The following PLAAT1 variants were observed in gnomAD, a reference collection of about 807,000 sequenced individuals.
PLAAT1 encodes phospholipase A and acyltransferase 1, also known as H-REV107 protein-related protein.
Under a neutral mutation model 16.4 loss-of-function variants are expected in PLAAT1, and 13 were observed. That is an observed-to-expected ratio of 0.79 (90% CI 0.52 to 1.26). PLAAT1 has a LOEUF of 1.26. Among genes scored for constraint, PLAAT1 ranks in the 50% most tolerant of loss-of-function variants. PLAAT1 has a pLI of 0.00. For missense variants in PLAAT1, 218 were observed against 207.8 expected, an observed-to-expected ratio of 1.05 and a Z score of -0.30; for synonymous variants, 73 against 78.4, an observed-to-expected ratio of 0.93 and a Z score of 0.36.
chr3:193,277,584 C>A (rs1000096110), intron 2 of PLAAT1: 1 of 152,244 alleles, frequency 6.6e-6, no homozygotes, highest in East Asian at 1.9e-4. Flanking sequence ...ATTCTCACCC[C>A]TATGCTGATA....
intron 1 of PLAAT1, among the ~76,000 whole-genome samples, chr3:193,244,610 C>G (rs568490713): frequency 9.9e-5 from 15 of 152,042 alleles, no homozygotes; most frequent in African/African-American, 3.6e-4. Context: ...ATGCCAAAAA[C>G]TAAGTAATTT....
At chr3:193,279,983 A>AG (rs1717408661), downstream of PLAAT1, among the ~76,000 whole-genome samples, 1 of 147,386 alleles carries the variant, frequency 6.8e-6, no homozygotes, top group East Asian at 1.9e-4. Flanking sequence ...TGTTAAAAAA[A>AG]AAAAAAAAAA....
downstream of PLAAT1, among the ~76,000 whole-genome samples, chr3:193,280,684 C>CTTTA (rs1399589444): frequency 3.3e-5 from 5 of 152,182 alleles, no homozygotes; most frequent in Admixed American, 6.5e-5. Flanking sequence ...CTGTCAGAGC[C>CTTTA]TTTAGCAGAG....
At position 193,241,398 on chromosome 3, in the gene PLAAT1, C is replaced by A. The variant is rs1560095373; in HGVS notation, c.-136C>A. On this transcript the variant is annotated 5_prime_UTR_variant, in exon 1 of 4. Coordinates refer to ENST00000264735, the MANE Select transcript of PLAAT1 (RefSeq NM_020386.5). The stretch of plus-strand genomic sequence containing the variant: ...CGAGTGATGGCTGGCGCCTGCCTCC[C>A]GGGTGTCTCCCGGGTACAGATGGAG... The A allele has an allele frequency of 2.4e-6, 3 of 1,231,652 alleles. No individual in the cohort carries two copies. In the East Asian group the frequency reaches 9.5e-5, roughly 39 times the overall value. 76.3% of individuals were successfully genotyped at this position (1,231,652 alleles called of 1,614,324 possible).
downstream of PLAAT1, chr3:193,277,764 C>A (rs1170370263): frequency 6.6e-6 from 1 of 152,200 alleles, no homozygotes; most frequent in Admixed American, 6.5e-5. Flanking sequence ...TGGCTGCCAC[C>A]ACTCCAATCC....
At chr3:193,250,964 A>G (rs1716171419) in intron 1 of PLAAT1, among the ~76,000 whole-genome samples, 1 of 152,042 alleles carries the variant, frequency 6.6e-6, no homozygotes, top group South Asian at 2.1e-4. Context: ...GTTTCTTTCA[A>G]CAGAGAGATC....
At chr3:193,255,344 A>G (rs1716336481) in intron 1 of PLAAT1, among the ~76,000 whole-genome samples, 2 of 152,060 alleles carry the variant, frequency 1.3e-5, no homozygotes, top group South Asian at 4.1e-4. Context: ...TTATCCAGGG[A>G]TTTCTAGATT....
downstream of PLAAT1, among the ~76,000 whole-genome samples, chr3:193,273,164 A>G (rs929858303): frequency 2.0e-5 from 3 of 152,224 alleles, no homozygotes; most frequent in Non-Finnish European, 4.4e-5. Flanking sequence ...TATACAGTGT[A>G]TCAATTGAAT....
intron 1 of PLAAT1, among the ~76,000 whole-genome samples, chr3:193,250,519 A>G (rs1716152055): frequency 6.6e-6 from 1 of 152,148 alleles, no homozygotes; most frequent in Non-Finnish European, 1.5e-5. Flanking sequence ...GTTGTCTACG[A>G]GACTCAAAAA....
Position 193,263,125 on chromosome 3 carries a change from A to G in PLAAT1, c.295A>G (p.Ile99Val), listed in dbSNP as rs369052364. 1.2e-5 allele frequency: 19 copies of G among 1,614,108 alleles called. No homozygotes were observed. Among genetic ancestry groups the G allele is most frequent in the Admixed American group, 6.7e-5 (4 of 60,000 alleles). Residue 99 changes from isoleucine (I) to valine (V), a missense_variant, in exon 3 of 4, where the codon ATA (isoleucine) becomes GTA (valine). By Grantham distance (29) the Ile-to-Val change is conservative (BLOSUM62 3). Transcript: ENST00000264735. ...CCCCCCTCTCCCTGTGGAAGAAATC[A>G]TAAAGCGGTCAGAGTTTGTAATTGG... ...TYPPLPVEEI[I>V]KRSEFVIGQE...
intron 2 of PLAAT1, among the ~76,000 whole-genome samples, chr3:193,260,188 C>T (rs1716533826): frequency 6.6e-6 from 1 of 152,116 alleles, no homozygotes. Context: ...CTGCCTTTCA[C>T]TATGTACAAA....
Position 193,255,676 on chromosome 3 carries a change from T to C in PLAAT1, c.26T>C (p.Leu9Ser), listed in dbSNP as rs778240681. 2 of 1,611,244 alleles carry C rather than the reference T, an allele frequency of 1.2e-6. No individual in the cohort carries two copies. Among genetic ancestry groups the C allele is most frequent in the East Asian group, 2.2e-5 (1 of 44,820 alleles). Reference protein sequence around the residue: MAFNDCFSLNYPGNPCPGD... With the variant: MAFNDCFSSNYPGNPCPGD... ...ATGGCGTTTAATGATTGCTTCAGTTTGAACTACCCTGGCAACCCCTGCCCA... is the reference window on the plus strand; with the variant it reads ...ATGGCGTTTAATGATTGCTTCAGTTCGAACTACCCTGGCAACCCCTGCCCA... The change falls in exon 2 of 4, where the codon TTG becomes TCG. Residue 9 changes from leucine (L) to serine (S), a missense_variant. Leu to Ser is a moderately radical substitution (Grantham distance 145, BLOSUM62 -2). Transcript: ENST00000264735.
chr3:193,259,335 C>G (rs1267529446), intron 2 of PLAAT1, among the ~76,000 whole-genome samples: 2 of 152,174 alleles, frequency 1.3e-5, no homozygotes, highest in African/African-American at 4.8e-5. Flanking sequence ...GGTGTTCACT[C>G]ACACTATTCC....
downstream of PLAAT1, chr3:193,274,852 A>G: frequency 2.8e-6 from 2 of 714,268 alleles, no homozygotes; most frequent in East Asian, 2.6e-5. Flanking sequence ...TTTTTCTCTC[A>G]TTGGTAAAGC....
At chr3:193,252,040 A>G (rs1297135956) in intron 1 of PLAAT1, among the ~76,000 whole-genome samples, 1 of 152,204 alleles carries the variant, frequency 6.6e-6, no homozygotes, top group East Asian at 1.9e-4. Flanking sequence ...CGTAATGTAT[A>G]AGGAAAAGAG....
chr3:193,261,708 A>G (rs1298004287), intron 2 of PLAAT1, among the ~76,000 whole-genome samples: 2 of 152,136 alleles, frequency 1.3e-5, no homozygotes, highest in Non-Finnish European at 2.9e-5. Context: ...CTTAAATTCC[A>G]TATTATTGTG....
At chr3:193,275,247 A>T (rs756610216), downstream of PLAAT1, 1 of 1,614,010 alleles carries the variant, frequency 6.2e-7, no homozygotes, top group African/African-American at 1.3e-5. Context: ...TTTAGAGTAG[A>T]ATCCAAATTC....
rs749700393 is a variant in PLAAT1, at chr3:193,255,692, C to T, written c.42C>T (p.Asn14=). ...GCTTCAGTTTGAACTACCCTGGCAA[C>T]CCCTGCCCAGGGGACTTGATCGAAG... The part of the protein sequence containing the change: ...NDCFSLNYPG[N]PCPGDLIEVF... Residue 14 remains asparagine, a synonymous_variant, in exon 2 of 4, where the codon AAC becomes AAT. Coordinates refer to ENST00000264735, the MANE Select transcript of PLAAT1 (RefSeq NM_020386.5). 2.0e-5 allele frequency: 33 copies of T among 1,612,792 alleles called. No individual in the cohort carries two copies. The Admixed American group carries it at 5.3e-4, about 26-fold the overall frequency.
At chr3:193,247,619 C>T (rs1220293930) in intron 1 of PLAAT1, among the ~76,000 whole-genome samples, 1 of 152,158 alleles carries the variant, frequency 6.6e-6, no homozygotes, top group African/African-American at 2.4e-5. Context: ...AAAAATCCTG[C>T]ATCAATATCA....
Sources: gnomAD v4.1 joint callset for allele counts (sites outside exome capture counted in the v4.1 genomes callset) on GRCh38, gnomAD v4.1.1 for gene constraint, MANE v1.5 for transcripts, NCBI Gene and HGNC (gene_info 2026-07-23, HGNC 2026-07-21) for gene names.